The following USP49 variants were observed in gnomAD, a reference collection of about 807,000 sequenced individuals.
USP49 encodes ubiquitin specific peptidase 49, also known as ubiquitin carboxyl-terminal hydrolase 49.
Under a neutral mutation model 58.6 loss-of-function variants are expected in USP49, and 24 were observed. That is an observed-to-expected ratio of 0.41 (90% CI 0.30 to 0.58). The LOEUF is 0.58. Among genes scored for constraint, USP49 ranks in the 20% least tolerant of loss-of-function variants. The pLI is 0.30. For synonymous variants in USP49, 408 were observed against 365.1 expected, an observed-to-expected ratio of 1.12 and a Z score of -1.34; for missense variants, 703 against 866.1, an observed-to-expected ratio of 0.81 and a Z score of 2.36.
At chr6:41,834,903 T>G (rs543148082) in intron 3 of USP49, among the ~76,000 whole-genome samples, 1 of 152,322 alleles carries the variant, frequency 6.6e-6, no homozygotes, top group African/African-American at 2.4e-5. Flanking sequence ...TGAGTCAAGG[T>G]TCCAGCTCAG....
At chr6:41,867,388 G>A (rs1352746119) in intron 3 of USP49, among the ~76,000 whole-genome samples, 1 of 152,100 alleles carries the variant, frequency 6.6e-6, no homozygotes, top group Non-Finnish European at 1.5e-5. Flanking sequence ...CTTTCTGTCT[G>A]CAAGTTTCTA....
At chr6:41,883,789 A>G (rs548408332) in intron 2 of USP49, among the ~76,000 whole-genome samples, 1 of 152,204 alleles carries the variant, frequency 6.6e-6, no homozygotes, top group East Asian at 1.9e-4. Context: ...CATAGTACTT[A>G]TGCCGCAATG....
chr6:41,826,403 C>G (rs1371242686), intron 3 of USP49, among the ~76,000 whole-genome samples: 1 of 152,170 alleles, frequency 6.6e-6, no homozygotes, highest in Admixed American at 6.5e-5. Flanking sequence ...AACAATAGAT[C>G]TCTAAGGGAC....
At chr6:41,810,009 G>A (rs1254411269) in intron 3 of USP49, among the ~76,000 whole-genome samples, 1 of 149,680 alleles carries the variant, frequency 6.7e-6, no homozygotes, top group Admixed American at 6.7e-5. Context: ...AAAATTAGCC[G>A]GGCGCGGTGG....
chr6:41,859,716 A>G (rs1172453842), intron 3 of USP49, among the ~76,000 whole-genome samples: 1 of 152,218 alleles, frequency 6.6e-6, no homozygotes, highest in African/African-American at 2.4e-5. Context: ...TACAGAGGTG[A>G]AAAAATATTC....
intron 3 of USP49, among the ~76,000 whole-genome samples, chr6:41,815,332 A>G (rs975411223): frequency 1.3e-5 from 2 of 151,796 alleles, no homozygotes; most frequent in Admixed American, 1.3e-4. Context: ...GAGGCAGGAG[A>G]ATGGCGTGAA....
intron 3 of USP49, among the ~76,000 whole-genome samples, chr6:41,829,152 T>C (rs530440835): frequency 6.6e-6 from 1 of 152,324 alleles, no homozygotes; most frequent in East Asian, 1.9e-4. Context: ...GATTGATTTC[T>C]GTATTAGGTT....
intron 2 of USP49, among the ~76,000 whole-genome samples, chr6:41,889,024 C>T (rs1421198773): frequency 1.3e-5 from 2 of 151,774 alleles, no homozygotes; most frequent in African/African-American, 4.8e-5. Flanking sequence ...GTATTAATCC[C>T]AATCAATTTT....
chr6:41,867,757 ACAAACAAACAAAAAC>A (rs796388366), intron 3 of USP49, among the ~76,000 whole-genome samples: 167 of 152,202 alleles, frequency 1.1e-3, no homozygotes, highest in Admixed American at 8.2e-3. Flanking sequence ...ATCTCAAAAA[ACAAACAAACAAAAAC>A]CAAACAAACA....
intron 3 of USP49, among the ~76,000 whole-genome samples, chr6:41,826,822 G>A (rs1448302299): frequency 1.3e-5 from 2 of 152,190 alleles, no homozygotes; most frequent in Non-Finnish European, 2.9e-5. Context: ...GTGGAGGACT[G>A]TGGAGGACTG....
rs1246173385 is a variant in USP49 at position 41,793,046 on chromosome 6, A to G, written c.*3487T>C. ...CTGGGGCATGCCCCACTGTCAGCCAATCCACCTCATTGGTTCTTCCCTTGT... is the reference window on the plus strand; with the variant it reads ...CTGGGGCATGCCCCACTGTCAGCCAGTCCACCTCATTGGTTCTTCCCTTGT... On this transcript the variant is annotated 3_prime_UTR_variant, in exon 8 of 8. Coordinates refer to ENST00000682992, the MANE Select transcript of USP49 (RefSeq NM_001286554.2). 1.3e-5 allele frequency: 2 copies of G among 150,588 alleles called. No homozygotes were observed. Among genetic ancestry groups the G allele is most frequent in the Admixed American group, 1.3e-4 (2 of 15,084 alleles). 9.3% of individuals were successfully genotyped at this position (150,588 alleles called of 1,614,324 possible).
chr6:41,853,438 A>C (rs570561416), intron 3 of USP49, among the ~76,000 whole-genome samples: 1 of 152,318 alleles, frequency 6.6e-6, no homozygotes, highest in Admixed American at 6.5e-5. Context: ...ACTGTTGCAA[A>C]ATGAAAAACT....
intron 3 of USP49, among the ~76,000 whole-genome samples, chr6:41,818,026 G>A (rs571481132): frequency 2.6e-5 from 4 of 152,182 alleles, no homozygotes; most frequent in Admixed American, 1.3e-4. Context: ...AACATGTTTT[G>A]TACTTTTTTG....
intron 3 of USP49, chr6:41,868,987 C>T (rs1163276929): frequency 6.6e-6 from 1 of 151,634 alleles, no homozygotes; most frequent in East Asian, 2.0e-4. Context: ...TGGTCTTGAA[C>T]TCCTGACCTC....
chr6:41,879,618 C>G (rs988740001), intron 2 of USP49, among the ~76,000 whole-genome samples: 4 of 152,194 alleles, frequency 2.6e-5, no homozygotes, highest in African/African-American at 9.6e-5. Context: ...GAGGTTTGTT[C>G]TCTGGAAAGA....
intron 2 of USP49, among the ~76,000 whole-genome samples, chr6:41,879,505 T>G (rs992337256): frequency 3.3e-5 from 5 of 152,060 alleles, no homozygotes; most frequent in African/African-American, 1.2e-4. Context: ...AAAGTGCCTC[T>G]GAAAGTGGGG....
intron 3 of USP49, among the ~76,000 whole-genome samples, chr6:41,830,227 A>G (rs1028003220): frequency 2.6e-5 from 4 of 152,216 alleles, no homozygotes; most frequent in Admixed American, 2.6e-4. Context: ...TCTCTAAAAC[A>G]GTTTAATTCT....
intron 3 of USP49, among the ~76,000 whole-genome samples, chr6:41,865,625 G>C (rs1451834847): frequency 6.6e-6 from 1 of 150,434 alleles, no homozygotes; most frequent in Non-Finnish European, 1.5e-5. Flanking sequence ...ATAGGCATGA[G>C]CCACCATGCT....
intron 3 of USP49, among the ~76,000 whole-genome samples, chr6:41,855,077 G>A (rs1291610364): frequency 2.6e-5 from 4 of 151,844 alleles, no homozygotes; most frequent in Non-Finnish European, 5.9e-5. Flanking sequence ...CCTGGCAGGA[G>A]AGCCTTTTAA....
Sources: allele counts gnomAD v4.1 joint callset (sites outside exome capture counted in the v4.1 genomes callset), GRCh38; gene constraint gnomAD v4.1.1; transcripts MANE v1.5; gene names NCBI Gene and HGNC (gene_info 2026-07-23, HGNC 2026-07-21).